Variants in UBASH3B observed in about 807,000 individuals in gnomAD.
UBASH3B encodes ubiquitin-associated and SH3 domain-containing protein B.
UBASH3B carries 37 observed loss-of-function variants against 83.4 expected under a neutral mutation model. That is an observed-to-expected ratio of 0.44 (90% CI 0.34 to 0.58). UBASH3B has a LOEUF of 0.58. UBASH3B is among the 20% of genes least tolerant of loss of function. The pLI is 0.01. For synonymous variants in UBASH3B, 304 were observed against 318.3 expected (o/e 0.96, Z 0.48); for missense variants, 657 against 827.2 (o/e 0.79, Z 2.52).
chr11:122,799,972 A>AT (rs1484637995), intron 10 of UBASH3B, among the ~76,000 whole-genome samples: 1 of 152,114 alleles, frequency 6.6e-6, no homozygotes, highest in African/African-American at 2.4e-5. Flanking sequence ...CCTTAAGTAA[A>AT]CCTCTTCACT....
At position 122,812,594 on chromosome 11, in the gene UBASH3B, T is replaced by C. The variant is rs750917113; in HGVS notation, c.*2708T>C. 6.6e-6 allele frequency: 1 copy of C among 152,222 alleles called. No homozygotes were observed. Among genetic ancestry groups the C allele is most frequent in the Non-Finnish European group, 1.5e-5 (1 of 68,042 alleles). The allele number at this position is 152,222 out of a possible 1,614,324, so 9.4% of individuals were successfully genotyped here. On this transcript the variant is annotated 3_prime_UTR_variant, in exon 14 of 14. Coordinates refer to ENST00000284273, the MANE Select transcript of UBASH3B (RefSeq NM_032873.5). ...TGGTTTCTTGTACAGAGGAATTTTGTTTTAATGTAGAAAGTTATTTGAAAT... is the reference window on the plus strand; with the variant it reads ...TGGTTTCTTGTACAGAGGAATTTTGCTTTAATGTAGAAAGTTATTTGAAAT...
At chr11:122,769,359 C>T (rs1307384144) in intron 1 of UBASH3B, among the ~76,000 whole-genome samples, 1 of 152,178 alleles carries the variant, frequency 6.6e-6, no homozygotes, top group Non-Finnish European at 1.5e-5. Flanking sequence ...CCCACCAGGC[C>T]CCACCTCCAA....
At chr11:122,688,978 CGGGGG>C (rs60342970) in intron 1 of UBASH3B, among the ~76,000 whole-genome samples, 8 of 135,594 alleles carry the variant, frequency 5.9e-5, no homozygotes, top group African/African-American at 2.2e-4. Flanking sequence ...GGCGGGGAGG[CGGGGG>C]GGGGGGGGGT....
intron 1 of UBASH3B, among the ~76,000 whole-genome samples, chr11:122,741,171 C>G (rs573386871): frequency 6.6e-6 from 1 of 152,216 alleles, no homozygotes; most frequent in South Asian, 2.1e-4. Context: ...AGTTTGAGGA[C>G]TAAAGCTGTG....
intron 1 of UBASH3B, among the ~76,000 whole-genome samples, chr11:122,712,896 GTTTTTTTTTTTTT>G (rs386375116): frequency 1.2e-4 from 8 of 64,524 alleles, no homozygotes; most frequent in East Asian, 1.4e-3. Flanking sequence ...TCTCTGGGTG[GTTTTTTTTTTTTT>G]TTTTTTTTTT....
chr11:122,661,219 G>C (rs1294398213), intron 1 of UBASH3B, among the ~76,000 whole-genome samples: 2 of 152,332 alleles, frequency 1.3e-5, no homozygotes, highest in East Asian at 3.9e-4. Context: ...GAGCAAGGCA[G>C]TGGCAGAAGG....
chr11:122,719,635 C>G (rs151097228), intron 1 of UBASH3B, among the ~76,000 whole-genome samples: 98 of 152,294 alleles, frequency 6.4e-4, no homozygotes, highest in African/African-American at 2.4e-3. Flanking sequence ...TCATCTGTTT[C>G]TCTTCTTGCA....
chr11:122,713,091 T>G (rs557960396), intron 1 of UBASH3B, among the ~76,000 whole-genome samples: 1 of 151,840 alleles, frequency 6.6e-6, no homozygotes, highest in African/African-American at 2.4e-5. Context: ...GTATTTTTAG[T>G]AGAGACGGGG....
chr11:122,804,907 A>G (rs1207680024), intron 11 of UBASH3B, among the ~76,000 whole-genome samples: 1 of 152,062 alleles, frequency 6.6e-6, no homozygotes, highest in Non-Finnish European at 1.5e-5. Context: ...CAACATAGAA[A>G]CTCTACATAG....
At chr11:122,725,260 G>A (rs896624688) in intron 1 of UBASH3B, among the ~76,000 whole-genome samples, 5 of 147,250 alleles carry the variant, frequency 3.4e-5, no homozygotes, top group East Asian at 2.0e-4. Flanking sequence ...GTGAGCCACC[G>A]TGCCCGGCCT....
intron 6 of UBASH3B, among the ~76,000 whole-genome samples, chr11:122,790,586 T>C (rs764080469): frequency 6.6e-6 from 1 of 152,194 alleles, no homozygotes; most frequent in Non-Finnish European, 1.5e-5. Flanking sequence ...CAAAGCACAG[T>C]TCTCAGATCT....
intron 1 of UBASH3B, among the ~76,000 whole-genome samples, chr11:122,739,518 C>T (rs1591793627): frequency 1.3e-5 from 2 of 152,182 alleles, no homozygotes; most frequent in Admixed American, 1.3e-4. Flanking sequence ...ATTCTTCTCA[C>T]GCTCTATCCT....
chr11:122,676,641 T>C (rs968266700), intron 1 of UBASH3B, among the ~76,000 whole-genome samples: 6 of 152,060 alleles, frequency 3.9e-5, no homozygotes, highest in African/African-American at 1.4e-4. Context: ...GCCCAGGAGA[T>C]GGAGGTTGCA....
chr11:122,753,007 A>G (rs1370857507), intron 1 of UBASH3B, among the ~76,000 whole-genome samples: 1 of 151,882 alleles, frequency 6.6e-6, no homozygotes, highest in Non-Finnish European at 1.5e-5. Flanking sequence ...TTCTTTCCCA[A>G]TCCTCTGTTC....
At position 122,656,192 on chromosome 11, in the gene UBASH3B, G is replaced by C; in HGVS notation, c.143G>C (p.Gly48Ala). Residue 48 changes from glycine (G) to alanine (A), a missense_variant, in exon 1 of 14, where the codon GGG (glycine) becomes GCG (alanine). By Grantham distance (60) the Gly-to-Ala change is moderately conservative. Coordinates refer to ENST00000284273, the MANE Select transcript of UBASH3B (RefSeq NM_032873.5). ...GSALDVLLSM[G>A]FPRARAQKAL... is the part of the protein sequence containing the mutation. Reference sequence around the variant, plus strand: ...GCGCTGGACGTGCTCCTCTCCATGGGGTTCCCCAGAGCCCGCGCGTAAGTG... The same window carrying C: ...GCGCTGGACGTGCTCCTCTCCATGGCGTTCCCCAGAGCCCGCGCGTAAGTG... 2 of 1,506,664 alleles carry C rather than the reference G, an allele frequency of 1.3e-6. No homozygotes were observed. Among genetic ancestry groups the C allele is most frequent in the African/African-American group, 1.4e-5 (1 of 69,330 alleles). 93.3% of individuals were successfully genotyped at this position (1,506,664 alleles called of 1,614,324 possible). A position where few individuals can be genotyped will look rare whatever the true frequency, so the allele number is the denominator to read the frequency against.
chr11:122,809,434 AT>A, intron 13 of UBASH3B, among the ~76,000 whole-genome samples: 1 of 152,278 alleles, frequency 6.6e-6, no homozygotes, highest in East Asian at 1.9e-4. Context: ...TTGTAGCCTT[AT>A]GTATTTTGGT....
At chr11:122,770,618 T>A (rs1262957743) in intron 1 of UBASH3B, among the ~76,000 whole-genome samples, 1 of 152,202 alleles carries the variant, frequency 6.6e-6, no homozygotes, top group Non-Finnish European at 1.5e-5. Context: ...AAACGGCAGC[T>A]AACAAGACTG....
chr11:122,748,411 G>A (rs1473135591), intron 1 of UBASH3B, among the ~76,000 whole-genome samples: 2 of 152,160 alleles, frequency 1.3e-5, no homozygotes, highest in African/African-American at 2.4e-5. Flanking sequence ...CATCCCAGCT[G>A]CCCCTATAGA....
intron 1 of UBASH3B, among the ~76,000 whole-genome samples, chr11:122,745,362 A>G (rs1298158883): frequency 6.6e-6 from 1 of 152,168 alleles, no homozygotes; most frequent in Non-Finnish European, 1.5e-5. Context: ...TCATTCAGCA[A>G]GTATTTATGG....
Sources: allele counts gnomAD v4.1 joint callset (sites outside exome capture counted in the v4.1 genomes callset), GRCh38; gene constraint gnomAD v4.1.1; transcripts MANE v1.5; gene names NCBI Gene and HGNC (gene_info 2026-07-23, HGNC 2026-07-21).